The following VAV3 variants were observed in gnomAD, a reference collection of about 807,000 sequenced individuals.
VAV3 encodes vav guanine nucleotide exchange factor 3.
A neutral mutation model predicts 131.2 loss-of-function variants in VAV3; 94 were observed. The observed-to-expected ratio is 0.72, with a 90% CI of 0.61 to 0.85. VAV3 has a LOEUF of 0.85. Among genes scored for constraint, VAV3 ranks in the 40% least tolerant of loss-of-function variants. The pLI, the probability that VAV3 is intolerant of heterozygous loss-of-function variation, is 0.00. For missense variants in VAV3, 939 were observed against 1,002.7 expected (o/e 0.94, Z 0.86); for synonymous variants, 349 against 342.0 (o/e 1.02, Z -0.22).
chr1:107,946,940 C>T (rs1039907654), intron 1 of VAV3, among the ~76,000 whole-genome samples: 3 of 152,188 alleles, frequency 2.0e-5, no homozygotes, highest in African/African-American at 7.2e-5. Flanking sequence ...AGGAATTTGT[C>T]ATACTTTATC....
chr1:107,663,667 C>G (rs1027179656), intron 19 of VAV3, among the ~76,000 whole-genome samples: 1 of 152,120 alleles, frequency 6.6e-6, no homozygotes, highest in Non-Finnish European at 1.5e-5. Flanking sequence ...AGTATTTTAC[C>G]TCCGCTGAAA....
intron 4 of VAV3, 40 bp downstream of exon 4, chr1:107,777,191 A>G: frequency 1.3e-6 from 2 of 1,564,610 alleles, no homozygotes; most frequent in Non-Finnish European, 1.8e-6. Flanking sequence ...GGACACATAA[A>G]TTGGCAGTGG....
At chr1:107,869,147 T>C (rs190469662) in intron 2 of VAV3, among the ~76,000 whole-genome samples, 1 of 152,252 alleles carries the variant, frequency 6.6e-6, no homozygotes, top group East Asian at 1.9e-4. Context: ...TCCTGAACCA[T>C]CACTATGTGG....
At chr1:107,778,935 T>C (rs564514173) in intron 3 of VAV3, among the ~76,000 whole-genome samples, 3 of 152,204 alleles carry the variant, frequency 2.0e-5, no homozygotes, top group Non-Finnish European at 4.4e-5. Context: ...GATGACATAC[T>C]ATATTTAACC....
chr1:107,658,037 A>T (rs1404358889), intron 19 of VAV3, among the ~76,000 whole-genome samples: 1 of 152,200 alleles, frequency 6.6e-6, no homozygotes, highest in East Asian at 1.9e-4. Context: ...ATTTTGCCTC[A>T]ATTTACCTAC....
intron 15 of VAV3, among the ~76,000 whole-genome samples, chr1:107,742,675 C>T (rs1229554596): frequency 6.6e-6 from 1 of 152,102 alleles, no homozygotes; most frequent in African/African-American, 2.4e-5. Flanking sequence ...TCCCCTTTCC[C>T]ACATCTCTAA....
At chr1:107,893,787 A>T (rs1306712296) in intron 1 of VAV3, among the ~76,000 whole-genome samples, 1 of 152,176 alleles carries the variant, frequency 6.6e-6, no homozygotes, top group Admixed American at 6.5e-5. Context: ...AAGTTATAAG[A>T]AACTTATTTT....
intron 25 of VAV3, among the ~76,000 whole-genome samples, chr1:107,582,408 T>C (rs1650123259): frequency 2.0e-5 from 3 of 152,140 alleles, no homozygotes; most frequent in South Asian, 4.1e-4. Flanking sequence ...GCTTATTGTA[T>C]ATATATATTT....
chr1:107,860,585 T>C (rs939457366), intron 2 of VAV3, among the ~76,000 whole-genome samples: 1 of 151,640 alleles, frequency 6.6e-6, no homozygotes, highest in East Asian at 1.9e-4. Flanking sequence ...TTTCTTTAAA[T>C]GGCTTCTATT....
intron 19 of VAV3, among the ~76,000 whole-genome samples, chr1:107,676,137 T>A (rs1473929461): frequency 1.3e-5 from 2 of 152,204 alleles, no homozygotes; most frequent in African/African-American, 4.8e-5. Flanking sequence ...AGCCTCTCTT[T>A]CCTCTCTCTT....
intron 1 of VAV3, among the ~76,000 whole-genome samples, chr1:107,876,627 G>A (rs1670510981): frequency 6.6e-6 from 1 of 152,038 alleles, no homozygotes; most frequent in Admixed American, 6.6e-5. Context: ...AGGGAGATAG[G>A]AGGGAAGGCA....
intron 2 of VAV3, among the ~76,000 whole-genome samples, chr1:107,808,921 G>A (rs1400585915): frequency 6.6e-6 from 1 of 151,962 alleles, no homozygotes; most frequent in Non-Finnish European, 1.5e-5. Flanking sequence ...TAATTTTCTG[G>A]ACCAAAGAGT....
intron 25 of VAV3, among the ~76,000 whole-genome samples, chr1:107,590,951 G>C (rs1002228320): frequency 1.3e-5 from 2 of 152,156 alleles, no homozygotes; most frequent in African/African-American, 4.8e-5. Context: ...ATGTAAATTA[G>C]TTCATGCCAT....
intron 1 of VAV3, among the ~76,000 whole-genome samples, chr1:107,881,678 T>C (rs1048711617): frequency 6.6e-6 from 1 of 152,170 alleles, no homozygotes; most frequent in Non-Finnish European, 1.5e-5. Flanking sequence ...TCAATATCAA[T>C]GCACATAACT....
chr1:107,834,114 A>C (rs1198503118), intron 2 of VAV3, among the ~76,000 whole-genome samples: 1 of 152,206 alleles, frequency 6.6e-6, no homozygotes, highest in Admixed American at 6.5e-5. Context: ...TGCTGTAAAT[A>C]ATTCTTGTTT....
At chr1:107,587,507 T>A (rs1056779969) in intron 25 of VAV3, among the ~76,000 whole-genome samples, 2 of 152,216 alleles carry the variant, frequency 1.3e-5, no homozygotes, top group African/African-American at 4.8e-5. Flanking sequence ...ATCAGGGCTG[T>A]TATATGAAAG....
chr1:107,853,178 T>C (rs763883411), intron 2 of VAV3, among the ~76,000 whole-genome samples: 1 of 152,308 alleles, frequency 6.6e-6, no homozygotes, highest in South Asian at 2.1e-4. Context: ...GAGCAGCAGT[T>C]AAGAGCTCGT....
Position 107,605,743 on chromosome 1 carries a change from A to G in VAV3, c.2016-2580T>C, listed in dbSNP as rs890515259. 5.3e-5 allele frequency among the ~76,000 whole-genome samples: 8 copies of G among 152,214 alleles called. No individual in the cohort carries two copies. The East Asian group carries it at 1.5e-3, about 29-fold the overall frequency. ...ATAAAATTACCTTCAGGCTTTGTGTATAAGATATATATAAAACATAAATAA... is the reference window on the plus strand; with the variant it reads ...ATAAAATTACCTTCAGGCTTTGTGTGTAAGATATATATAAAACATAAATAA... On this transcript the variant is annotated intron_variant, in intron 22 of 26. Coordinates refer to ENST00000370056, the MANE Select transcript of VAV3 (RefSeq NM_006113.5).
intron 25 of VAV3, 100 bp downstream of exon 25, chr1:107,596,112 C>A: frequency 8.1e-6 from 12 of 1,478,234 alleles, no homozygotes; most frequent in Non-Finnish European, 1.1e-5. Context: ...ATTAGCGCAT[C>A]CATTGGTTAT....
Sources: gnomAD v4.1 joint callset for allele counts (sites outside exome capture counted in the v4.1 genomes callset) on GRCh38, gnomAD v4.1.1 for gene constraint, MANE v1.5 for transcripts, NCBI Gene and HGNC (gene_info 2026-07-23, HGNC 2026-07-21) for gene names.